The following SSH2 variants were observed in gnomAD, a reference collection of about 807,000 sequenced individuals.
The protein encoded by SSH2 is slingshot protein phosphatase 2.
In SSH2, 37 loss-of-function variants were observed where a neutral mutation model predicts 135.2. The ratio of observed to expected loss-of-function variants is 0.27; its 90% confidence interval spans 0.21 to 0.36. The LOEUF (loss-of-function observed/expected upper bound fraction) is 0.36, where lower values mean the gene tolerates loss of function less well. Among genes scored for constraint, SSH2 ranks in the 10% least tolerant of loss-of-function variants. The probability of loss-of-function intolerance (pLI) is 1.00; values close to 1 mark genes in which losing one functional copy is unlikely to be tolerated. For missense variants in SSH2, 1,408 were observed against 1,765.3 expected (o/e 0.80, Z 3.63); for synonymous variants, 628 against 646.2 (o/e 0.97, Z 0.43).
At chr17:29,676,648 C>T in intron 8 of SSH2, 172 bp downstream of exon 8, 1 of 550,842 alleles carries the variant, frequency 1.8e-6, no homozygotes, top group South Asian at 2.0e-5. Flanking sequence ...TCAAGGCCTT[C>T]CAATTGCAAC....
chr17:29,710,729 G>T (rs2039403124), intron 3 of SSH2, among the ~76,000 whole-genome samples: 1 of 152,104 alleles, frequency 6.6e-6, no homozygotes, highest in South Asian at 2.1e-4. Flanking sequence ...CAATACTAAT[G>T]CCTAATGAAA....
chr17:29,811,568 C>G (rs1313733034), intron 2 of SSH2, among the ~76,000 whole-genome samples: 1 of 99,492 alleles, frequency 1.0e-5, no homozygotes, highest in African/African-American at 7.5e-5. Flanking sequence ...ATGTGAACCA[C>G]AAGTTTTTTT....
chr17:29,736,964 G>C (rs1235109675), intron 3 of SSH2, among the ~76,000 whole-genome samples: 2 of 147,462 alleles, frequency 1.4e-5, no homozygotes, highest in African/African-American at 5.0e-5. Flanking sequence ...CTGGGCATGG[G>C]GGTGGGCGCC....
At chr17:29,634,477 G>A (rs2035811194) in intron 15 of SSH2, among the ~76,000 whole-genome samples, 1 of 152,208 alleles carries the variant, frequency 6.6e-6, no homozygotes, top group Non-Finnish European at 1.5e-5. Flanking sequence ...GAGATGGCTT[G>A]TAAGAGCTCC....
intron 1 of SSH2, among the ~76,000 whole-genome samples, chr17:29,858,149 T>C (rs1194330386): frequency 6.6e-6 from 1 of 152,238 alleles, no homozygotes; most frequent in Non-Finnish European, 1.5e-5. Context: ...TCATTGTTTC[T>C]GATTGCTGCA....
At chr17:29,902,033 T>C (rs1330428399) in intron 1 of SSH2, among the ~76,000 whole-genome samples, 1 of 152,050 alleles carries the variant, frequency 6.6e-6, no homozygotes, top group Non-Finnish European at 1.5e-5. Flanking sequence ...GGGATCCTCC[T>C]ACCTTGGCCT....
At chr17:29,666,645 C>T (rs566504184) in intron 11 of SSH2, among the ~76,000 whole-genome samples, 6 of 151,734 alleles carry the variant, frequency 4.0e-5, no homozygotes, top group Admixed American at 2.0e-4. Context: ...ATCGTGCCAC[C>T]GCACTCCAGC....
intron 1 of SSH2, among the ~76,000 whole-genome samples, chr17:29,889,210 G>A (rs1446448174): frequency 1.3e-5 from 2 of 152,048 alleles, no homozygotes; most frequent in African/African-American, 2.4e-5. Context: ...ACTTTGGGGG[G>A]CCAAGGCAGG....
chr17:29,652,531 A>G lies in SSH2; in HGVS notation c.1080-1731T>C, dbSNP rs2036619247. Among the ~76,000 whole-genome samples the G allele has an allele frequency of 2.0e-5, 3 of 152,168 alleles. No homozygotes were observed. The South Asian group carries it at 6.2e-4, about 32-fold the overall frequency. On this transcript the variant is annotated intron_variant, in intron 12 of 15. Transcript: ENST00000540801. ...TATACATTTAAAATGGGTGAATCAT[A>G]TGGTATGTAAATTATATTTCAATGA... is the stretch of plus-strand genomic sequence containing the variant.
chr17:29,630,695 A>T lies in SSH2; in HGVS notation c.*146T>A, dbSNP rs144593159. The stretch of plus-strand genomic sequence containing the variant: ...TACATATACACACACATACACACTG[A>T]AAAACACCCAAACCCTGCATGCACC... On this transcript the variant is annotated 3_prime_UTR_variant, in exon 16 of 16. Coordinates refer to ENST00000540801, the MANE Select transcript of SSH2 (RefSeq NM_001282129.2). 103 of 790,184 alleles carry T rather than the reference A, an allele frequency of 1.3e-4. 1 individual carries two copies. In the African/African-American group the frequency reaches 1.5e-3, roughly 12 times the overall value. 48.9% of individuals were successfully genotyped at this position (790,184 alleles called of 1,614,324 possible).
At chr17:29,798,620 C>A (rs1026137702) in intron 2 of SSH2, among the ~76,000 whole-genome samples, 1 of 152,136 alleles carries the variant, frequency 6.6e-6, no homozygotes, top group African/African-American at 2.4e-5. Context: ...CACTGTTCTA[C>A]AAATGTGAGA....
In SSH2 at chr17:29,684,661, G is replaced by A. The variant is rs149211456; in HGVS notation, c.381C>T (p.Tyr127=). The A allele has an allele frequency of 2.3e-5, 37 of 1,612,546 alleles. No homozygotes were observed. Among genetic ancestry groups the A allele is most frequent in the Non-Finnish European group, 2.9e-5 (34 of 1,179,292 alleles). Reference sequence around the variant, plus strand: ...CTACCATATAGCGTGTTCGATTCTGGTAAGTACTTTCCAGTCTTACAGCCT... The same window carrying A: ...CTACCATATAGCGTGTTCGATTCTGATAAGTACTTTCCAGTCTTACAGCCT... ...IRLAVRLEST[Y]QNRTRYMVVV... The change falls in exon 6 of 16, where the codon TAC becomes TAT. Residue 127 remains tyrosine (Y), a synonymous_variant. Transcript: ENST00000540801.
chr17:29,638,509 T>TACACACACACACACACACACAC (rs71138839), intron 14 of SSH2, among the ~76,000 whole-genome samples: 1 of 128,882 alleles, frequency 7.8e-6, no homozygotes, highest in African/African-American at 3.0e-5. Context: ...TTCTATATTT[T>TACACACACACACACACACACAC]ACACACACAC....
At chr17:29,700,049 A>G (rs1376520860) in intron 4 of SSH2, among the ~76,000 whole-genome samples, 2 of 152,214 alleles carry the variant, frequency 1.3e-5, no homozygotes, top group East Asian at 3.8e-4. Context: ...CCAAACAAGT[A>G]GTAGGGCAGC....
At chr17:29,852,108 C>A (rs1015403726) in intron 1 of SSH2, among the ~76,000 whole-genome samples, 3 of 151,776 alleles carry the variant, frequency 2.0e-5, no homozygotes, top group Non-Finnish European at 4.4e-5. Context: ...ATGGTGAAAA[C>A]CCGTCTCTAC....
chr17:29,867,416 A>T (rs568305698), intron 1 of SSH2, among the ~76,000 whole-genome samples: 1 of 152,254 alleles, frequency 6.6e-6, no homozygotes, highest in South Asian at 2.1e-4. Context: ...AAAACACTTA[A>T]CAAAAAAAAT....
rs150916168 is a variant in SSH2 at position 29,825,412 on chromosome 17, T to A, written c.144+23437A>T. Among the ~76,000 whole-genome samples the A allele has an allele frequency of 5.1e-3, 778 of 152,282 alleles. 8 individuals are homozygous for A. Among genetic ancestry groups the A allele is most frequent in the African/African-American group, 0.018 (736 of 41,550 alleles). ...ATTCCATAAAATTTCAGTAAAAAAATTTAATACATTGCCTTTGAAGTCCAG... is the reference window on the plus strand; with the variant it reads ...ATTCCATAAAATTTCAGTAAAAAAAATTAATACATTGCCTTTGAAGTCCAG... On this transcript the variant is annotated intron_variant, in intron 2 of 15. Transcript: ENST00000540801.
At chr17:29,717,540 T>G (rs949804301) in intron 3 of SSH2, among the ~76,000 whole-genome samples, 19 of 152,256 alleles carry the variant, frequency 1.2e-4, no homozygotes, top group African/African-American at 4.6e-4. Context: ...GAGCAGTGGC[T>G]GCCATTTTAG....
At chr17:29,673,685 G>A (rs2037589082) in intron 8 of SSH2, among the ~76,000 whole-genome samples, 1 of 152,072 alleles carries the variant, frequency 6.6e-6, no homozygotes, top group African/African-American at 2.4e-5. Context: ...CTACCACCCT[G>A]AAATAACCAC....
Sources: allele counts gnomAD v4.1 joint callset (sites outside exome capture counted in the v4.1 genomes callset), GRCh38; gene constraint gnomAD v4.1.1; transcripts MANE v1.5; gene names NCBI Gene and HGNC (gene_info 2026-07-23, HGNC 2026-07-21).